CACNG7: variants seen among roughly 807,000 people sequenced by gnomAD.
CACNG7 encodes the protein calcium voltage-gated channel auxiliary subunit gamma 7.
CACNG7 carries 9 observed loss-of-function variants against 26.3 expected under a neutral mutation model. The observed-to-expected ratio is 0.34, with a 90% CI of 0.21 to 0.60. The LOEUF (loss-of-function observed/expected upper bound fraction) is 0.60. Among genes scored for constraint, CACNG7 ranks in the 20% least tolerant of loss-of-function variants. CACNG7 has a pLI of 0.81. For missense variants in CACNG7, 297 were observed against 380.4 expected, an observed-to-expected ratio of 0.78 and a Z score of 1.82; for synonymous variants, 170 against 157.0, an observed-to-expected ratio of 1.08 and a Z score of -0.62.
chr19:53,911,051 G>GGTGGTGGTA (rs1326228110), intron 1 of CACNG7, among the ~76,000 whole-genome samples: 1 of 149,140 alleles, frequency 6.7e-6, no homozygotes, highest in African/African-American at 2.6e-5. Flanking sequence ...TGGTGGTGGT[G>GGTGGTGGTA]GTGGGGTCCA....
At chr19:53,915,616 C>A in intron 4 of CACNG7, 111 bp downstream of exon 4, 1 of 1,236,762 alleles carries the variant, frequency 8.1e-7, no homozygotes. Context: ...GAGGTGCAGA[C>A]CCTCTCTGAG....
In CACNG7 at chr19:53,920,758, GT is replaced by G. The variant is rs750905724; in HGVS notation, c.424+5254del. ...CTGGTCATTGGTGGAGTTGCCCCAG[GT>G]CTGGTCATTGGTGGAGTTGCCCCAG... is the stretch of plus-strand genomic sequence containing the variant. On this transcript the variant is annotated intron_variant, in intron 4 of 5. Transcript: ENST00000391767. Among the ~76,000 whole-genome samples, 55 of 97,568 alleles carry G rather than the reference GT, an allele frequency of 5.6e-4. 1 individual carries two copies. Among genetic ancestry groups the G allele is most frequent in the South Asian group, 1.0e-3 (3 of 2,998 alleles). The allele number at this position is 97,568 out of a possible 152,430, so 64.0% of individuals were successfully genotyped here. A position where few individuals can be genotyped will look rare whatever the true frequency, so the allele number is the denominator to read the frequency against.
chr19:53,914,118 A>G (rs2068878173), intron 2 of CACNG7, among the ~76,000 whole-genome samples: 1 of 151,964 alleles, frequency 6.6e-6, no homozygotes, highest in African/African-American at 2.4e-5. Context: ...TACTAAAAAT[A>G]CAGAAATTAG....
At chr19:53,918,669 T>A (rs2068913974) in intron 4 of CACNG7, among the ~76,000 whole-genome samples, 1 of 152,214 alleles carries the variant, frequency 6.6e-6, no homozygotes, top group African/African-American at 2.4e-5. Flanking sequence ...AATGTAGTAA[T>A]GATAGTAGTA....
At chr19:53,930,384 T>A (rs114301160) in intron 4 of CACNG7, among the ~76,000 whole-genome samples, 1,865 of 152,114 alleles carry the variant, frequency 0.012, 41 homozygotes, top group African/African-American at 0.041. Context: ...AATTTTTTTT[T>A]AAATTTGAGA....
In CACNG7 at chr19:53,942,179, C is replaced by T. The variant is rs1600006062; in HGVS notation, c.714C>T (p.Arg238=). Residue 238 remains arginine, a synonymous_variant, in exon 6 of 6, where the codon CGC becomes CGT. Transcript: ENST00000391767. The surrounding 1 kb of genome is among the most constrained non-coding windows in gnomAD (Gnocchi z 5.9). Reference sequence around the variant, plus strand: ...AGTTCCTGCAGCCCGAGGCGTGGCGCCGCGGCCGGAGCCCCTCCGACATCT... The same window carrying T: ...AGTTCCTGCAGCCCGAGGCGTGGCGTCGCGGCCGGAGCCCCTCCGACATCT... ...SGQFLQPEAW[R]RGRSPSDISS... 2 of 1,614,066 alleles carry T rather than the reference C, an allele frequency of 1.2e-6. No homozygotes were observed. Among genetic ancestry groups the T allele is most frequent in the Non-Finnish European group, 1.7e-6 (2 of 1,179,962 alleles).
intron 4 of CACNG7, among the ~76,000 whole-genome samples, chr19:53,923,092 G>T (rs2068978182): frequency 7.8e-6 from 1 of 127,972 alleles, no homozygotes; most frequent in Non-Finnish European, 1.6e-5. Context: ...TGGTGGAGTT[G>T]TCCCAGGCTG....
chr19:53,937,338 C>G (rs963777894), intron 4 of CACNG7, among the ~76,000 whole-genome samples: 9 of 152,138 alleles, frequency 5.9e-5, no homozygotes, highest in Non-Finnish European at 1.2e-4. Flanking sequence ...TTGTTAGATG[C>G]TACTAAATCC....
intron 4 of CACNG7, among the ~76,000 whole-genome samples, chr19:53,917,985 A>G (rs571303316): frequency 6.6e-6 from 1 of 152,340 alleles, no homozygotes; most frequent in East Asian, 1.9e-4. Flanking sequence ...TCTCTAGGGT[A>G]ACAATAGAGT....
chr19:53,938,967 AC>A (rs2069121720), intron 4 of CACNG7, among the ~76,000 whole-genome samples: 1 of 150,522 alleles, frequency 6.6e-6, no homozygotes, highest in South Asian at 2.1e-4. Context: ...ACAAAACAAA[AC>A]AAAAAAGGCC....
At position 53,943,883 on chromosome 19, in the gene CACNG7, T is replaced by TA; in HGVS notation, c.*1593dup. 1 of 152,238 alleles carries TA rather than the reference T, an allele frequency of 6.6e-6. No homozygotes were observed. Among genetic ancestry groups the TA allele is most frequent in the Non-Finnish European group, 1.5e-5 (1 of 68,030 alleles). 9.4% of individuals were successfully genotyped at this position (152,238 alleles called of 1,614,324 possible). ...GCAGCGCTTTATACTTCAGTCCGTGTAAAGCATGCAGGACCGTAAATGATA... is the reference window on the plus strand; with the variant it reads ...GCAGCGCTTTATACTTCAGTCCGTGTAAAAGCATGCAGGACCGTAAATGATA... On this transcript the variant is annotated 3_prime_UTR_variant, in exon 6 of 6. Coordinates refer to ENST00000391767, the MANE Select transcript of CACNG7 (RefSeq NM_031896.5).
intron 4 of CACNG7, among the ~76,000 whole-genome samples, chr19:53,920,103 G>A (rs1400980914): frequency 4.1e-5 from 5 of 121,342 alleles, no homozygotes; most frequent in African/African-American, 1.9e-4. Context: ...GGTCATTGGT[G>A]GAGTTGCCCC....
chr19:53,930,391 G>T (rs2069063850), intron 4 of CACNG7, among the ~76,000 whole-genome samples: 1 of 151,806 alleles, frequency 6.6e-6, no homozygotes, highest in African/African-American at 2.4e-5. Context: ...TTTTAAATTT[G>T]AGACGGAGTC....
At chr19:53,926,845 G>A (rs560606929) in intron 4 of CACNG7, among the ~76,000 whole-genome samples, 2 of 152,296 alleles carry the variant, frequency 1.3e-5, no homozygotes, top group Admixed American at 1.3e-4. Flanking sequence ...CCTGGAAGGT[G>A]AAGGCTGCAC....
At chr19:53,927,877 A>G (rs915466224) in intron 4 of CACNG7, among the ~76,000 whole-genome samples, 1 of 151,904 alleles carries the variant, frequency 6.6e-6, no homozygotes, top group Non-Finnish European at 1.5e-5. Flanking sequence ...GAAGGCAGCT[A>G]AGACAGAGGT....
chr19:53,923,351 G>A (rs2068982324), intron 4 of CACNG7, among the ~76,000 whole-genome samples: 1 of 137,296 alleles, frequency 7.3e-6, no homozygotes, highest in African/African-American at 2.8e-5. Context: ...CTGGTCATTG[G>A]TGGAGTTGCC....
chr19:53,918,985 G>A lies in CACNG7; in HGVS notation c.424+3480G>A, dbSNP rs368338237. 3.9e-5 allele frequency among the ~76,000 whole-genome samples: 6 copies of A among 152,146 alleles called. No individual in the cohort carries two copies. In the East Asian group the frequency reaches 7.7e-4, roughly 20 times the overall value. ...GGGTTTCACTGTGTTAGCCAGGATG[G>A]TCTTGAACTCTCGACCTCAGGTGAT... On this transcript the variant is annotated intron_variant, in intron 4 of 5. Transcript: ENST00000391767.
chr19:53,942,397 C>T lies in CACNG7; in HGVS notation c.*104C>T. 6 of 1,513,262 alleles carry T rather than the reference C, an allele frequency of 4.0e-6. No individual in the cohort carries two copies. Among genetic ancestry groups the T allele is most frequent in the Non-Finnish European group, 5.3e-6 (6 of 1,133,732 alleles). The allele number at this position is 1,513,262 out of a possible 1,614,324, so 93.7% of individuals were successfully genotyped here. ...CCGTCCTCGGGACTCCTCGCTCCCACCCGGAGGAGGCTGCGCCAGCTTTAG... is the reference window on the plus strand; with the variant it reads ...CCGTCCTCGGGACTCCTCGCTCCCATCCGGAGGAGGCTGCGCCAGCTTTAG... On this transcript the variant is annotated 3_prime_UTR_variant, in exon 6 of 6. Coordinates refer to ENST00000391767, the MANE Select transcript of CACNG7 (RefSeq NM_031896.5). The surrounding 1 kb of genome is among the most constrained non-coding windows in gnomAD (Gnocchi z 5.9).
At chr19:53,919,343 G>GT (rs202184419) in intron 4 of CACNG7, among the ~76,000 whole-genome samples, 2 of 151,372 alleles carry the variant, frequency 1.3e-5, no homozygotes, top group Non-Finnish European at 2.9e-5. Context: ...TGGTGGAGTT[G>GT]CCCAGGTCTG....
Sources: allele counts gnomAD v4.1 joint callset (sites outside exome capture counted in the v4.1 genomes callset), GRCh38; gene constraint gnomAD v4.1.1; non-coding constraint Gnocchi (gnomAD v3.1); transcripts MANE v1.5; gene names NCBI Gene and HGNC (gene_info 2026-07-23, HGNC 2026-07-21).